API5: variants seen among roughly 807,000 people sequenced by gnomAD.
API5 encodes FIF.
A neutral mutation model predicts 71.9 loss-of-function variants in API5; 6 were observed. That is an observed-to-expected ratio of 0.08 (90% confidence interval 0.05 to 0.16). The LOEUF (loss-of-function observed/expected upper bound fraction) is 0.16, where lower values mean the gene tolerates loss of function less well. API5 is among the 10% of genes least tolerant of loss of function. The probability of loss-of-function intolerance (pLI) is 1.00; values close to 1 mark genes in which losing one functional copy is unlikely to be tolerated. For missense variants in API5, 332 were observed against 612.8 expected, an observed-to-expected ratio of 0.54 and a Z score of 4.84; for synonymous variants, 189 against 221.3, an observed-to-expected ratio of 0.85 and a Z score of 1.30.
At chr11:43,330,185 A>C (rs966074480) in intron 10 of API5, 127 bp downstream of exon 10, 64 of 751,572 alleles carry the variant, frequency 8.5e-5, no homozygotes, top group Non-Finnish European at 1.2e-4. Context: ...TCCTAATGAA[A>C]TATTTTAGAT....
intron 1 of API5, among the ~76,000 whole-genome samples, chr11:43,312,415 T>TCCCTTGCCC (rs1304637532): frequency 3.3e-5 from 5 of 152,126 alleles, no homozygotes; most frequent in Non-Finnish European, 4.4e-5. Flanking sequence ...CTTCCTTGCC[T>TCCCTTGCCC]CCCTTGCCCA....
chr11:43,316,359 T>C (rs1854669732), intron 1 of API5, among the ~76,000 whole-genome samples: 1 of 146,960 alleles, frequency 6.8e-6, no homozygotes, highest in Non-Finnish European at 1.5e-5. Context: ...ATTTTTTTCT[T>C]GGCAAAAGGA....
chr11:43,326,897 T>C (rs963777868), intron 7 of API5, among the ~76,000 whole-genome samples: 3 of 152,218 alleles, frequency 2.0e-5, no homozygotes, highest in African/African-American at 7.2e-5. Flanking sequence ...TTTCTATCCA[T>C]AACTGACAGA....
At chr11:43,328,971 C>A (rs894574851) in intron 9 of API5, 78 bp downstream of exon 9, 1 of 1,438,648 alleles carries the variant, frequency 7.0e-7, no homozygotes, top group Non-Finnish European at 9.6e-7. Flanking sequence ...TGCTTTTGTT[C>A]TATGAGAGCT....
intron 1 of API5, among the ~76,000 whole-genome samples, chr11:43,315,058 G>A (rs1052130704): frequency 6.6e-6 from 1 of 152,172 alleles, no homozygotes; most frequent in Non-Finnish European, 1.5e-5. Flanking sequence ...CTGCATTCAA[G>A]TTTGTCAGTC....
intron 7 of API5, 34 bp downstream of exon 7, chr11:43,326,645 G>A (rs1238546980): frequency 8.5e-7 from 1 of 1,174,766 alleles, no homozygotes; most frequent in South Asian, 1.3e-5. Context: ...CACTGATAAG[G>A]CATTCTTATA....
At chr11:43,330,339 G>A (rs1372378877) in intron 10 of API5, 169 bp from the exon 11 acceptor site, 4 of 659,806 alleles carry the variant, frequency 6.1e-6, no homozygotes, top group Non-Finnish European at 1.1e-5. Flanking sequence ...GATTTGTTTA[G>A]AGTCAAGCAA....
At chr11:43,318,058 G>A (rs1854736068) in intron 1 of API5, among the ~76,000 whole-genome samples, 1 of 152,018 alleles carries the variant, frequency 6.6e-6, no homozygotes, top group Non-Finnish European at 1.5e-5. Context: ...CATCCAGGCT[G>A]GAGTGCAGTA....
At chr11:43,315,270 A>G (rs1022509578) in intron 1 of API5, among the ~76,000 whole-genome samples, 1 of 152,190 alleles carries the variant, frequency 6.6e-6, no homozygotes, top group African/African-American at 2.4e-5. Context: ...AAGCAGATCA[A>G]ATCCTCTTTT....
chr11:43,332,301 A>G (rs746819729), intron 11 of API5, among the ~76,000 whole-genome samples: 8 of 152,160 alleles, frequency 5.3e-5, no homozygotes, highest in African/African-American at 9.7e-5. Context: ...TCCTGACGCT[A>G]TCTACCTAGA....
intron 7 of API5, 88 bp from the exon 8 acceptor site, chr11:43,327,701 T>TA: frequency 2.2e-6 from 2 of 916,160 alleles, no homozygotes; most frequent in Non-Finnish European, 3.3e-6. Flanking sequence ...TAATTGAAAA[T>TA]AAAGTCTTAA....
At chr11:43,341,282 C>T (rs1855603650) in intron 13 of API5, among the ~76,000 whole-genome samples, 3 of 152,088 alleles carry the variant, frequency 2.0e-5, no homozygotes, top group African/African-American at 4.8e-5. Flanking sequence ...GACATTGGCA[C>T]CCCCATGTTT....
At chr11:43,323,987 C>T (rs1291391494) in intron 6 of API5, among the ~76,000 whole-genome samples, 5 of 152,050 alleles carry the variant, frequency 3.3e-5, no homozygotes, top group African/African-American at 1.2e-4. Context: ...TGGTGAGAAC[C>T]CAAAGCAGCA....
chr11:43,322,208 C>T (rs1854917824), intron 5 of API5, 72 bp downstream of exon 5: 1 of 1,406,306 alleles, frequency 7.1e-7, no homozygotes, highest in Non-Finnish European at 9.5e-7. Context: ...CAGTATTCGT[C>T]AATGTTATGT....
chr11:43,325,208 G>A (rs554782760), intron 6 of API5, among the ~76,000 whole-genome samples: 2 of 152,204 alleles, frequency 1.3e-5, no homozygotes, highest in South Asian at 4.1e-4. Flanking sequence ...GAACTAAGAA[G>A]GGTCAGACAT....
chr11:43,334,727 TAC>T (rs1855372080), intron 11 of API5, among the ~76,000 whole-genome samples: 1 of 152,188 alleles, frequency 6.6e-6, no homozygotes. Flanking sequence ...ATTTAAATCT[TAC>T]ACGGTTTTTT....
At chr11:43,316,614 A>G (rs1277084663) in intron 1 of API5, among the ~76,000 whole-genome samples, 2 of 152,118 alleles carry the variant, frequency 1.3e-5, no homozygotes, top group Non-Finnish European at 2.9e-5. Context: ...TTGCGGTGAA[A>G]AGTATGTCAT....
chr11:43,321,971 A>C lies in API5; in HGVS notation c.392-14A>C. The C allele has an allele frequency of 1.2e-6, 2 of 1,602,882 alleles. No individual in the cohort carries two copies. Among genetic ancestry groups the C allele is most frequent in the Non-Finnish European group, 1.7e-6 (2 of 1,176,356 alleles). On this transcript the variant is annotated splice_polypyrimidine_tract_variant and intron_variant, in intron 4 of 13. Transcript: ENST00000531273. Reference sequence around the variant, plus strand: ...TAGAATTGACTTGCTACAGGCAACTATTTTGTTTTGCAGGGACTTTAGGTG... The same window carrying C: ...TAGAATTGACTTGCTACAGGCAACTCTTTTGTTTTGCAGGGACTTTAGGTG...
At chr11:43,338,669 A>AAG (rs1855515367) in intron 13 of API5, among the ~76,000 whole-genome samples, 1 of 149,590 alleles carries the variant, frequency 6.7e-6, no homozygotes, top group Non-Finnish European at 1.5e-5. Flanking sequence ...AAAAAAAAAA[A>AAG]GCATTTGCCA....
Sources: allele counts gnomAD v4.1 joint callset (sites outside exome capture counted in the v4.1 genomes callset), GRCh38; gene constraint gnomAD v4.1.1; transcripts MANE v1.5; gene names NCBI Gene and HGNC (gene_info 2026-07-23, HGNC 2026-07-21).